NINL: variants seen among roughly 807,000 people sequenced by gnomAD.
NINL encodes ninein-like protein.
A neutral mutation model predicts 160.3 loss-of-function variants in NINL; 153 were observed. The observed-to-expected ratio is 0.95, with a 90% CI of 0.84 to 1.09. NINL has a LOEUF of 1.09. NINL is among the 50% of genes least tolerant of loss of function. The pLI is 0.00. For synonymous variants in NINL, 800 were observed against 734.8 expected, an observed-to-expected ratio of 1.09 and a Z score of -1.43; for missense variants, 1,829 against 1,764.0, an observed-to-expected ratio of 1.04 and a Z score of -0.66.
chr20:25,583,284 A>G (rs1453606839), intron 1 of NINL, among the ~76,000 whole-genome samples: 1 of 152,226 alleles, frequency 6.6e-6, no homozygotes, highest in Non-Finnish European at 1.5e-5. Flanking sequence ...ACAAGAAAAA[A>G]ACAACCCCAT....
chr20:25,554,624 CAAAAAAAAAAACAAA>C (rs1295780670), intron 1 of NINL, among the ~76,000 whole-genome samples: 3 of 49,726 alleles, frequency 6.0e-5, no homozygotes, highest in Non-Finnish European at 9.3e-5. Flanking sequence ...TGTTCTTTAC[CAAAAAAAAAAACAAA>C]AAAAAAAAAA....
At chr20:25,477,289 G>T (rs964464553) in intron 16 of NINL, among the ~76,000 whole-genome samples, 200 bp from the exon 17 acceptor site, 6 of 152,214 alleles carry the variant, frequency 3.9e-5, no homozygotes, top group Non-Finnish European at 7.3e-5. Flanking sequence ...TCCGCCCCAC[G>T]GAGCGAGGTT....
chr20:25,537,917 G>A (rs1323707255), intron 1 of NINL, among the ~76,000 whole-genome samples: 2 of 152,284 alleles, frequency 1.3e-5, no homozygotes, highest in East Asian at 1.9e-4. Flanking sequence ...ATCTACACTC[G>A]CACTCTTGCT....
intron 2 of NINL, among the ~76,000 whole-genome samples, chr20:25,524,504 T>C (rs2064320266): frequency 6.6e-6 from 1 of 152,180 alleles, no homozygotes; most frequent in Non-Finnish European, 1.5e-5. Context: ...CTGCCACTGC[T>C]TGTGGTACCC....
intron 1 of NINL, among the ~76,000 whole-genome samples, chr20:25,559,822 G>A (rs1279829724): frequency 6.6e-6 from 1 of 151,932 alleles, no homozygotes; most frequent in African/African-American, 2.4e-5. Flanking sequence ...GCCCATGCTG[G>A]TCTCAAACTC....
At chr20:25,541,312 A>C (rs1473553424) in intron 1 of NINL, among the ~76,000 whole-genome samples, 1 of 152,258 alleles carries the variant, frequency 6.6e-6, no homozygotes, top group African/African-American at 2.4e-5. Context: ...TAAGCATGCT[A>C]ACATGTTAGG....
intron 1 of NINL, among the ~76,000 whole-genome samples, chr20:25,562,147 G>A (rs564015624): frequency 9.2e-5 from 12 of 130,972 alleles, no homozygotes; most frequent in South Asian, 2.5e-4. Context: ...CCCGCCAGGC[G>A]AGACGCCCCG....
intron 17 of NINL, among the ~76,000 whole-genome samples, chr20:25,472,324 GATATAT>G (rs56260321): frequency 0.02 from 1,686 of 83,848 alleles, 28 homozygotes; most frequent in African/African-American, 0.042. Flanking sequence ...GGGAGGAGAG[GATATAT>G]ATATATATAT....
intron 1 of NINL, among the ~76,000 whole-genome samples, chr20:25,571,164 T>A (rs1402866536): frequency 6.6e-6 from 1 of 152,170 alleles, no homozygotes; most frequent in Non-Finnish European, 1.5e-5. Context: ...TTTACTCCTG[T>A]AAGAACCACG....
chr20:25,527,442 C>T (rs1324333637), intron 1 of NINL, among the ~76,000 whole-genome samples: 8 of 152,060 alleles, frequency 5.3e-5, no homozygotes, highest in Non-Finnish European at 1.0e-4. Flanking sequence ...TGTGAACCAC[C>T]GCACGCAGCC....
chr20:25,563,162 T>C (rs1430321275), intron 1 of NINL, among the ~76,000 whole-genome samples: 2 of 152,142 alleles, frequency 1.3e-5, no homozygotes, highest in Non-Finnish European at 2.9e-5. Flanking sequence ...CAAGATTCCA[T>C]CTCAAAATGA....
At position 25,500,890 on chromosome 20, in the gene NINL, G is replaced by A; in HGVS notation, c.982C>T (p.Leu328=). ...GSGFAFPDQV[L]AMWTQEGIQN... ...ATCCCCTCCTGGGTCCACATGGCCA[G>A]GACCTGATCAGGAAAAGCGAAGCCA... The change falls in exon 8 of 24, where the codon CTG becomes TTG. Residue 328 remains leucine (L), a synonymous_variant. Coordinates refer to ENST00000278886, the MANE Select transcript of NINL (RefSeq NM_025176.6). 6.2e-7 allele frequency: 1 copy of A among 1,614,218 alleles called. No individual in the cohort carries two copies. Among genetic ancestry groups the A allele is most frequent in the Non-Finnish European group, 8.5e-7 (1 of 1,180,044 alleles).
intron 1 of NINL, among the ~76,000 whole-genome samples, chr20:25,537,055 G>C (rs1283603037): frequency 6.6e-6 from 1 of 152,190 alleles, no homozygotes; most frequent in Non-Finnish European, 1.5e-5. Context: ...GAGCGGGGTA[G>C]TTGATGTCAA....
intron 18 of NINL, among the ~76,000 whole-genome samples, chr20:25,468,470 G>A (rs184114196): frequency 0.02 from 1,572 of 79,588 alleles, 11 homozygotes; most frequent in African/African-American, 0.064. Flanking sequence ...CCTGTCCCCC[G>A]ACTGTCACTG....
intron 16 of NINL, among the ~76,000 whole-genome samples, chr20:25,478,328 T>A (rs1215871956): frequency 1.3e-5 from 2 of 152,182 alleles, no homozygotes; most frequent in East Asian, 3.9e-4. Context: ...CCGGGGCCAA[T>A]GCTCTCCACA....
intron 20 of NINL, among the ~76,000 whole-genome samples, chr20:25,461,902 G>A (rs1236068512): frequency 6.6e-6 from 1 of 152,148 alleles, no homozygotes; most frequent in Admixed American, 6.5e-5. Context: ...GCGTTTCCTG[G>A]GGCATTAGTT....
intron 1 of NINL, among the ~76,000 whole-genome samples, chr20:25,567,568 A>G (rs1215338424): frequency 1.3e-5 from 2 of 152,160 alleles, no homozygotes; most frequent in African/African-American, 2.4e-5. Context: ...ACCCAAAACA[A>G]AGAGAAACCT....
At chr20:25,563,753 G>T (rs958153790) in intron 1 of NINL, among the ~76,000 whole-genome samples, 4 of 152,074 alleles carry the variant, frequency 2.6e-5, no homozygotes, top group Non-Finnish European at 5.9e-5. Context: ...GAGAGACTAT[G>T]GAGTAAAGAA....
chr20:25,475,897 G>C (rs1047520307), intron 17 of NINL, 146 bp downstream of exon 17: 1 of 797,454 alleles, frequency 1.3e-6, no homozygotes, highest in African/African-American at 1.7e-5. Flanking sequence ...CCCCTACTCA[G>C]GCTGAAGGGC....
Sources: allele counts gnomAD v4.1 joint callset (sites outside exome capture counted in the v4.1 genomes callset), GRCh38; gene constraint gnomAD v4.1.1; transcripts MANE v1.5; gene names NCBI Gene and HGNC (gene_info 2026-07-23, HGNC 2026-07-21).